Variants in CTSC observed in about 807,000 individuals in gnomAD.
CTSC encodes dipeptidyl peptidase 1.
CTSC carries 37 observed loss-of-function variants against 40.9 expected under a neutral mutation model. That is an observed-to-expected ratio of 0.91 (90% CI 0.70 to 1.19). The LOEUF (loss-of-function observed/expected upper bound fraction) is 1.19, where lower values mean the gene tolerates loss of function less well. CTSC is among the 50% of genes most tolerant of loss of function. The probability of loss-of-function intolerance (pLI) is 0.00; values close to 1 mark genes in which losing one functional copy is unlikely to be tolerated. For synonymous variants in CTSC, 232 were observed against 207.4 expected, an observed-to-expected ratio of 1.12 and a Z score of -1.02; for missense variants, 594 against 567.3, an observed-to-expected ratio of 1.05 and a Z score of -0.48.
chr11:88,294,319 A>T lies in CTSC; in HGVS notation c.1079T>A (p.Met360Lys). Residue 360 changes from methionine to lysine, a missense_variant, in exon 7 of 7, where the codon ATG becomes AAG. Met to Lys is a moderately conservative substitution (Grantham distance 95). Coordinates refer to ENST00000227266, the MANE Select transcript of CTSC (RefSeq NM_001814.6). ...CCCATGATGGACCAACTCAAGCTTCATCAGGGCTTCATTGCAGCCTCCATA... is the reference window on the plus strand; with the variant it reads ...CCCATGATGGACCAACTCAAGCTTCTTCAGGGCTTCATTGCAGCCTCCATA... ...GFYGGCNEAL[M>K]KLELVHHGPM... 1 of 1,614,152 alleles carries T rather than the reference A, an allele frequency of 6.2e-7. No homozygotes were observed. Among genetic ancestry groups the T allele is most frequent in the Non-Finnish European group, 8.5e-7 (1 of 1,180,018 alleles).
At chr11:88,317,583 T>G (rs904699190) in intron 2 of CTSC, among the ~76,000 whole-genome samples, 1 of 152,194 alleles carries the variant, frequency 6.6e-6, no homozygotes, top group Non-Finnish European at 1.5e-5. Context: ...AGGGGGACCA[T>G]CCACTGTACC....
At chr11:88,318,797 T>G (rs551195731) in intron 2 of CTSC, among the ~76,000 whole-genome samples, 77 of 152,184 alleles carry the variant, frequency 5.1e-4, no homozygotes, top group African/African-American at 1.8e-3. Flanking sequence ...TCCCAGCTAC[T>G]TGGGAGGATG....
chr11:88,308,102 C>A (rs530076078), intron 4 of CTSC, among the ~76,000 whole-genome samples: 1 of 152,284 alleles, frequency 6.6e-6, no homozygotes, highest in Admixed American at 6.5e-5. Flanking sequence ...AAAAATTATA[C>A]CAGTGAGAAA....
intron 2 of CTSC, among the ~76,000 whole-genome samples, chr11:88,316,375 G>C (rs217051): frequency 6.6e-6 from 1 of 151,674 alleles, no homozygotes; most frequent in Admixed American, 6.6e-5. Flanking sequence ...TTGGAACGCC[G>C]AGGTTGGGGG....
At chr11:88,322,218 T>C (rs1252791165) in intron 2 of CTSC, 1 of 152,222 alleles carries the variant, frequency 6.6e-6, no homozygotes, top group Non-Finnish European at 1.5e-5. Context: ...CTGACAGTAG[T>C]TTCTTTTGCT....
rs779225062 is a variant in CTSC at position 88,309,182 on chromosome 11, G to A, written c.622C>T (p.His208Tyr). 1.9e-5 allele frequency: 30 copies of A among 1,613,832 alleles called. No homozygotes were observed. Among genetic ancestry groups the A allele is most frequent in the Non-Finnish European group, 2.2e-5 (26 of 1,179,862 alleles). Residue 208 changes from histidine (H) to tyrosine (Y), a missense_variant, in exon 4 of 7, where the codon CAC becomes TAC. His to Tyr is a moderately conservative substitution (Grantham distance 83). Transcript: ENST00000227266. The stretch of plus-strand genomic sequence containing the variant: ...GATTACCTTGGGATTTTTCGACTGT[G>A]GCCACCACTTCTCCTAATCATATCT... ...LGDMIRRSGG[H>Y]SRKIPRPKPA...
chr11:88,309,812 G>GCA (rs746757518), intron 3 of CTSC, among the ~76,000 whole-genome samples: 1,860 of 108,000 alleles, frequency 0.017, 12 homozygotes, highest in Middle Eastern at 0.044. Flanking sequence ...ATATGTATGC[G>GCA]CGCACACACA....
At chr11:88,335,307 A>T (rs1211344833) in intron 1 of CTSC, among the ~76,000 whole-genome samples, 1 of 151,980 alleles carries the variant, frequency 6.6e-6, no homozygotes, top group East Asian at 1.9e-4. Context: ...AGATAATGCA[A>T]GCAGAAGCAG....
intron 2 of CTSC, chr11:88,325,967 A>C: frequency 1.0e-6 from 1 of 999,096 alleles, no homozygotes; most frequent in African/African-American, 1.7e-5. Context: ...TCAGGCAGAC[A>C]GTTAAACTGT....
intron 5 of CTSC, 26 bp from the exon 6 acceptor site, chr11:88,296,290 T>G (rs370201211): frequency 6.2e-7 from 1 of 1,612,620 alleles, no homozygotes; most frequent in African/African-American, 1.3e-5. Context: ...AGACACATAA[T>G]CCAAGAGACA....
intron 4 of CTSC, among the ~76,000 whole-genome samples, chr11:88,308,886 T>A (rs551636901): frequency 6.6e-6 from 1 of 152,016 alleles, no homozygotes; most frequent in East Asian, 1.9e-4. Context: ...GGCTAATCCA[T>A]AGCATGGGGG....
chr11:88,324,988 G>C, intron 2 of CTSC: 2 of 985,246 alleles, frequency 2.0e-6, no homozygotes, highest in Non-Finnish European at 2.4e-6. Flanking sequence ...CTACTCTCTA[G>C]AGAAAAATTC....
intron 6 of CTSC, 136 bp from the exon 7 acceptor site, chr11:88,294,644 A>C: frequency 1.0e-6 from 1 of 963,712 alleles, no homozygotes; most frequent in Non-Finnish European, 1.6e-6. Flanking sequence ...CACTTCATTC[A>C]TCCATCCATT....
At chr11:88,305,543 A>C (rs1280324568) in intron 4 of CTSC, among the ~76,000 whole-genome samples, 1 of 152,224 alleles carries the variant, frequency 6.6e-6, no homozygotes, top group African/African-American at 2.4e-5. Flanking sequence ...GCTCATAAAC[A>C]ATAAATGCTG....
chr11:88,311,385 C>T (rs1466566410), intron 3 of CTSC, among the ~76,000 whole-genome samples: 1 of 152,192 alleles, frequency 6.6e-6, no homozygotes, highest in East Asian at 1.9e-4. Flanking sequence ...ATCTCTCTTA[C>T]CTCTGTGCTG....
Position 88,300,513 on chromosome 11 carries a change from T to G in CTSC, c.757+17A>C, listed in dbSNP as rs749327530. On this transcript the variant is annotated intron_variant, in intron 5 of 6. Transcript: ENST00000227266. ...GTTCCAAACAAATTAACAAAAAACT[T>G]AGGCTTATTTTTTTACCTTGGTTTC... is the stretch of plus-strand genomic sequence containing the variant. 6.8e-7 allele frequency: 1 copy of G among 1,465,050 alleles called. No homozygotes were observed. The allele number at this position is 1,465,050 out of a possible 1,614,324, so 90.8% of individuals were successfully genotyped here.
intron 5 of CTSC, chr11:88,299,172 A>G (rs1268040364): frequency 6.6e-6 from 1 of 152,204 alleles, no homozygotes; most frequent in African/African-American, 2.4e-5. Context: ...TATCATGCCA[A>G]TGCTATCATG....
intron 3 of CTSC, among the ~76,000 whole-genome samples, chr11:88,311,958 G>A (rs777299093): frequency 6.6e-6 from 1 of 152,142 alleles, no homozygotes; most frequent in Non-Finnish European, 1.5e-5. Flanking sequence ...GGCAGCCCTC[G>A]CAAACCAACA....
At chr11:88,303,599 G>A (rs141420360) in intron 4 of CTSC, among the ~76,000 whole-genome samples, 7 of 152,302 alleles carry the variant, frequency 4.6e-5, no homozygotes, top group Admixed American at 1.3e-4. Context: ...CCCTGAACAC[G>A]CCACCCTCCA....
Sources: gnomAD v4.1 joint callset for allele counts (sites outside exome capture counted in the v4.1 genomes callset) on GRCh38, gnomAD v4.1.1 for gene constraint, MANE v1.5 for transcripts, NCBI Gene and HGNC (gene_info 2026-07-23, HGNC 2026-07-21) for gene names.